The following PKP4 variants were observed in gnomAD, a reference collection of about 807,000 sequenced individuals.
PKP4 encodes the protein plakophilin 4.
PKP4 carries 90 observed loss-of-function variants against 145.1 expected under a neutral mutation model. The ratio of observed to expected loss-of-function variants is 0.62; its 90% confidence interval spans 0.52 to 0.74. The LOEUF (loss-of-function observed/expected upper bound fraction) is 0.74, where lower values mean the gene tolerates loss of function less well. Among genes scored for constraint, PKP4 ranks in the 30% least tolerant of loss-of-function variants. PKP4 has a pLI of 0.00. For synonymous variants in PKP4, 563 were observed against 577.2 expected (o/e 0.98, Z 0.35); for missense variants, 1,340 against 1,482.7 (o/e 0.90, Z 1.58).
chr2:158,576,498 T>C (rs2047864737), intron 2 of PKP4, among the ~76,000 whole-genome samples: 1 of 152,182 alleles, frequency 6.6e-6, no homozygotes, highest in Non-Finnish European at 1.5e-5. Context: ...TGTTTTCTAC[T>C]TACTAAAATC....
chr2:158,568,548 G>A (rs2047181150), intron 2 of PKP4, among the ~76,000 whole-genome samples: 1 of 152,202 alleles, frequency 6.6e-6, no homozygotes, highest in African/African-American at 2.4e-5. Context: ...TAGCTACATA[G>A]CAGACCACTG....
At chr2:158,574,454 A>AT (rs2047671188) in intron 2 of PKP4, among the ~76,000 whole-genome samples, 1 of 152,174 alleles carries the variant, frequency 6.6e-6, no homozygotes, top group Admixed American at 6.5e-5. Flanking sequence ...TATTTTGGAA[A>AT]TTATTAGATG....
At chr2:158,518,504 A>G (rs1244174880) in intron 1 of PKP4, among the ~76,000 whole-genome samples, 1 of 152,244 alleles carries the variant, frequency 6.6e-6, no homozygotes, top group Non-Finnish European at 1.5e-5. Context: ...CCCCTGAGAT[A>G]AATGAGAACA....
intron 2 of PKP4, among the ~76,000 whole-genome samples, chr2:158,547,253 A>G (rs1184006742): frequency 6.6e-6 from 1 of 152,214 alleles, no homozygotes; most frequent in African/African-American, 2.4e-5. Context: ...ATTCACAAAT[A>G]CCCACCAAAC....
intron 1 of PKP4, among the ~76,000 whole-genome samples, chr2:158,463,275 C>T (rs1007537521): frequency 6.6e-6 from 1 of 152,106 alleles, no homozygotes; most frequent in Non-Finnish European, 1.5e-5. Flanking sequence ...AGGTAGTAGT[C>T]ATTTTATAAA....
chr2:158,672,410 A>C (rs1326059094), intron 17 of PKP4, among the ~76,000 whole-genome samples: 1 of 152,212 alleles, frequency 6.6e-6, no homozygotes, highest in Non-Finnish European at 1.5e-5. Context: ...TCCTGGGCAC[A>C]GTCCTGCCTG....
At chr2:158,610,085 C>T (rs1482284597) in intron 4 of PKP4, among the ~76,000 whole-genome samples, 1 of 152,100 alleles carries the variant, frequency 6.6e-6, no homozygotes, top group Admixed American at 6.6e-5. Context: ...ATTCTGTACC[C>T]TCTAGCTTAC....
chr2:158,615,655 T>C (rs1177333612), intron 4 of PKP4, among the ~76,000 whole-genome samples: 1 of 152,218 alleles, frequency 6.6e-6, no homozygotes, highest in South Asian at 2.1e-4. Context: ...AGGAGATCTC[T>C]TTTAGTTTAG....
chr2:158,489,811 T>G (rs1694684206), intron 1 of PKP4, among the ~76,000 whole-genome samples: 1 of 152,186 alleles, frequency 6.6e-6, no homozygotes, highest in Non-Finnish European at 1.5e-5. Context: ...AAAAACATAA[T>G]TATGTCCAGC....
intron 15 of PKP4, 59 bp downstream of exon 15, chr2:158,663,504 TTA>T (rs749504857): frequency 2.6e-5 from 36 of 1,405,340 alleles, no homozygotes; most frequent in Non-Finnish European, 3.3e-5. Context: ...ACTTGAAATG[TTA>T]TATATATATG....
intron 2 of PKP4, among the ~76,000 whole-genome samples, chr2:158,562,514 TC>T (rs1471257465): frequency 6.6e-6 from 1 of 152,208 alleles, no homozygotes; most frequent in African/African-American, 2.4e-5. Flanking sequence ...AGTTGTTTTT[TC>T]AGTTTGGGAT....
chr2:158,629,589 T>G (rs529209387), intron 7 of PKP4, among the ~76,000 whole-genome samples: 1 of 152,338 alleles, frequency 6.6e-6, no homozygotes, highest in East Asian at 1.9e-4. Flanking sequence ...TCATTCACTT[T>G]AGAAGCTTTA....
intron 1 of PKP4, among the ~76,000 whole-genome samples, chr2:158,529,636 T>G (rs1272635889): frequency 1.3e-5 from 2 of 152,232 alleles, no homozygotes; most frequent in Non-Finnish European, 2.9e-5. Flanking sequence ...GTGACTTACA[T>G]CAACACAGCA....
rs1269343829 is a variant in PKP4, at chr2:158,678,580, G to C, written c.3257-1G>C. ...TAATTTCATAAAATATTTTCTTACA[G>C]GCTCCAGCAAACCTTCACCAATTTA... On this transcript the variant is annotated splice_acceptor_variant, in intron 20 of 21. Coordinates refer to ENST00000389759, the MANE Select transcript of PKP4 (RefSeq NM_003628.6). LOFTEE classifies it high-confidence loss of function. 6.2e-7 allele frequency: 1 copy of C among 1,605,800 alleles called. No individual in the cohort carries two copies. Among genetic ancestry groups the C allele is most frequent in the Non-Finnish European group, 8.5e-7 (1 of 1,172,430 alleles).
chr2:158,665,736 C>T (rs2057023368), intron 15 of PKP4: 4 of 152,272 alleles, frequency 2.6e-5, no homozygotes, highest in South Asian at 4.1e-4. Flanking sequence ...ACTCACAGTA[C>T]AGAGTTGCTT....
intron 2 of PKP4, among the ~76,000 whole-genome samples, chr2:158,546,518 C>T (rs911043950): frequency 1.3e-5 from 2 of 152,070 alleles, no homozygotes; most frequent in Non-Finnish European, 2.9e-5. Flanking sequence ...AGGAAAGAAA[C>T]GTGAAATTTT....
At chr2:158,512,894 T>G (rs892990008) in intron 1 of PKP4, among the ~76,000 whole-genome samples, 1 of 152,238 alleles carries the variant, frequency 6.6e-6, no homozygotes, top group Non-Finnish European at 1.5e-5. Flanking sequence ...CCAAGTACAC[T>G]TCTCCTTTCT....
chr2:158,671,415 A>G (rs527654458), intron 17 of PKP4, among the ~76,000 whole-genome samples: 126 of 152,196 alleles, frequency 8.3e-4, no homozygotes, highest in South Asian at 2.3e-3. Flanking sequence ...GTGGAACCAT[A>G]ATCACTTATG....
At chr2:158,634,028 A>C (rs762097117) in intron 8 of PKP4, 42 bp from the exon 9 acceptor site, 4 of 1,100,808 alleles carry the variant, frequency 3.6e-6, no homozygotes, top group Non-Finnish European at 5.6e-6. Context: ...GTGTGATCTC[A>C]TGGAGAACAT....
Sources: gnomAD v4.1 joint callset for allele counts (sites outside exome capture counted in the v4.1 genomes callset) on GRCh38, gnomAD v4.1.1 for gene constraint, MANE v1.5 for transcripts, NCBI Gene and HGNC (gene_info 2026-07-23, HGNC 2026-07-21) for gene names.